Variants in PPP6R1 observed in about 807,000 individuals in gnomAD.
PPP6R1 encodes protein phosphatase 6 regulatory subunit 1, also known as serine/threonine-protein phosphatase 6 regulatory subunit 1.
Under a neutral mutation model 104.6 loss-of-function variants are expected in PPP6R1, and 39 were observed. The observed-to-expected ratio is 0.37, with a 90% CI of 0.29 to 0.49. The LOEUF is 0.49. Among genes scored for constraint, PPP6R1 ranks in the 20% least tolerant of loss-of-function variants. PPP6R1 has a pLI of 0.98. For missense variants in PPP6R1, 1,181 were observed against 1,155.8 expected (o/e 1.02, Z -0.32); for synonymous variants, 549 against 479.0 (o/e 1.15, Z -1.91).
At chr19:55,257,977 A>G (rs2122765642) in intron 1 of PPP6R1, among the ~76,000 whole-genome samples, 1 of 152,330 alleles carries the variant, frequency 6.6e-6, no homozygotes, top group South Asian at 2.1e-4. Context: ...CCGCTCCTCC[A>G]GTCCTGAGCT....
At chr19:55,228,824 A>C (rs2087311223), downstream of PPP6R1, 1 of 1,426,296 alleles carries the variant, frequency 7.0e-7, no homozygotes, top group South Asian at 1.2e-5. Context: ...GTTACACGTT[A>C]ACCCAAGGAG....
chr19:55,236,899 A>G lies in PPP6R1; in HGVS notation c.1809+14T>C, dbSNP rs1241206329. Reference sequence around the variant, plus strand: ...CCTCCACCCGCCACAACCAGGGGACAGGGCAGTACTCACGTTCTCATCGTC... The same window carrying G: ...CCTCCACCCGCCACAACCAGGGGACGGGGCAGTACTCACGTTCTCATCGTC... On this transcript the variant is annotated intron_variant, in intron 16 of 23. Transcript: ENST00000412770. 1 of 1,612,320 alleles carries G rather than the reference A, an allele frequency of 6.2e-7. No homozygotes were observed. Among genetic ancestry groups the G allele is most frequent in the Non-Finnish European group, 8.5e-7 (1 of 1,178,442 alleles).
At position 55,229,907 on chromosome 19, in the gene PPP6R1, T is replaced by TC. The variant is rs1369292987; in HGVS notation, c.*620dup. 1 of 153,354 alleles carries TC rather than the reference T, an allele frequency of 6.5e-6. No individual in the cohort carries two copies. 9.5% of individuals were successfully genotyped at this position (153,354 alleles called of 1,614,324 possible). A position where few individuals can be genotyped will look rare whatever the true frequency, so the allele number is the denominator to read the frequency against. ...GTCACTTGGCAACAGGGCTGGGACC[T>TC]CAGACCCTCAAGGCCCCTGGGGCTG... On this transcript the variant is annotated 3_prime_UTR_variant, in exon 24 of 24. Transcript: ENST00000412770.
intron 17 of PPP6R1, 166 bp downstream of exon 17, chr19:55,236,477 A>T: frequency 1.3e-6 from 1 of 757,136 alleles, no homozygotes; most frequent in Non-Finnish European, 2.0e-6. Context: ...GCCTTGAATT[A>T]GATTTCTATC....
Position 55,245,004 on chromosome 19 carries a change from C to T in PPP6R1, c.618+116G>A, listed in dbSNP as rs189248531. ...CCTCCCACCTCGCCCTCCCAAAGTG[C>T]TGGAATTACAGGCGTGAGCCACTGC... On this transcript the variant is annotated intron_variant, in intron 5 of 23. Transcript: ENST00000412770. This position sits in a 1 kb window ranked among gnomAD's most constrained non-coding sequence, Gnocchi z 6.4. The T allele has an allele frequency of 1.4e-6, 2 of 1,458,602 alleles. No individual in the cohort carries two copies. The highest frequency in any genetic ancestry group is 1.4e-5 in the African/African-American group (1 of 71,416). 90.4% of individuals were successfully genotyped at this position (1,458,602 alleles called of 1,614,324 possible).
At chr19:55,233,648 T>C (rs1168567660) in intron 17 of PPP6R1, among the ~76,000 whole-genome samples, 1 of 152,202 alleles carries the variant, frequency 6.6e-6, no homozygotes, top group Non-Finnish European at 1.5e-5. Context: ...CATATACTTG[T>C]AACAATCTGA....
chr19:55,245,594 G>C lies in PPP6R1; in HGVS notation c.312C>G (p.Asn104Lys), dbSNP rs1230365024. Residue 104 changes from asparagine (N) to lysine (K), a missense_variant, in exon 3 of 24, where the codon AAC becomes AAG. Asn to Lys is a moderately conservative substitution (Grantham distance 94). Coordinates refer to ENST00000412770, the MANE Select transcript of PPP6R1 (RefSeq NM_014931.4). This position sits in a 1 kb window ranked among gnomAD's most constrained non-coding sequence, Gnocchi z 6.4. The part of the protein sequence containing the change: ...DALGADESLL[N>K]RLYGFLQSTG... ...TGCTCTGCAGGAAGCCGTAGAGCCG[G>C]TTCAGAAGGGACTCATCAGCACCCA... 1 of 1,612,890 alleles carries C rather than the reference G, an allele frequency of 6.2e-7. No homozygotes were observed. Among genetic ancestry groups the C allele is most frequent in the Non-Finnish European group, 8.5e-7 (1 of 1,179,752 alleles).
At chr19:55,231,701 G>T (rs1401248516) in intron 19 of PPP6R1, 33 bp from the exon 20 acceptor site, 2 of 1,563,224 alleles carry the variant, frequency 1.3e-6, no homozygotes, top group Non-Finnish European at 1.7e-6. Context: ...CAAGGGGGCA[G>T]CTAGGGTTAG....
At chr19:55,249,899 G>A (rs1248333944) in intron 1 of PPP6R1, among the ~76,000 whole-genome samples, 1 of 151,896 alleles carries the variant, frequency 6.6e-6, no homozygotes, top group Non-Finnish European at 1.5e-5. Flanking sequence ...GCTCGGTGAT[G>A]TGCACTCCAC....
intron 5 of PPP6R1, 35 bp from the exon 6 acceptor site, chr19:55,242,523 G>A (rs774778566): frequency 3.0e-5 from 47 of 1,557,508 alleles, no homozygotes; most frequent in South Asian, 3.3e-5. Flanking sequence ...GATCCTGGTC[G>A]GGCCACCGGG....
chr19:55,242,713 A>G (rs2087469818), intron 5 of PPP6R1: 1 of 537,336 alleles, frequency 1.9e-6, no homozygotes, highest in African/African-American at 1.9e-5. Context: ...AGGCATCCAC[A>G]CAAGGCCCTC....
At chr19:55,239,313 C>A in intron 15 of PPP6R1, 92 bp downstream of exon 15, 2 of 1,279,378 alleles carry the variant, frequency 1.6e-6, no homozygotes, top group Admixed American at 2.0e-5. Context: ...GCCCACAGGG[C>A]ATGTAGGTGC....
rs751170845 is a variant in PPP6R1, at chr19:55,231,461, T to C, written c.2408A>G (p.Asp803Gly). 3 of 1,608,114 alleles carry C rather than the reference T, an allele frequency of 1.9e-6. No homozygotes were observed. The East Asian group carries it at 6.7e-5, about 36-fold the overall frequency. Residue 803 changes from aspartate to glycine, a missense_variant, in exon 21 of 24, where the codon GAC becomes GGC. Asp to Gly is a moderately conservative substitution (Grantham distance 94). This residue lies in a region of PPP6R1 where 1,042 missense variants were observed against 955.6 expected (regional missense o/e 1.09). Transcript: ENST00000412770. ...APCQALVSIG[D>G]LQATFHGIRS... ...GATCCCGTGGAAGGTGGCCTGAAGG[T>C]CCCCGATGCTAACCAAGGCCTGGCA... is the stretch of plus-strand genomic sequence containing the variant.
intron 15 of PPP6R1, among the ~76,000 whole-genome samples, chr19:55,237,324 T>C (rs908538193): frequency 2.6e-5 from 4 of 152,124 alleles, no homozygotes; most frequent in Non-Finnish European, 5.9e-5. Context: ...GTCCCCATCC[T>C]TGGGGCATCT....
intron 1 of PPP6R1, among the ~76,000 whole-genome samples, chr19:55,256,492 A>G (rs1345909368): frequency 6.6e-6 from 1 of 152,240 alleles, no homozygotes; most frequent in Non-Finnish European, 1.5e-5. Flanking sequence ...GAGCCACTGC[A>G]ATGGACATTC....
chr19:55,253,773 G>T (rs2087571723), intron 1 of PPP6R1, among the ~76,000 whole-genome samples: 1 of 152,188 alleles, frequency 6.6e-6, no homozygotes, highest in Admixed American at 6.5e-5. Context: ...AGCCCTCTCA[G>T]TCCCCTCTCC....
intron 17 of PPP6R1, among the ~76,000 whole-genome samples, chr19:55,234,473 A>G (rs1198540619): frequency 1.3e-5 from 2 of 152,208 alleles, no homozygotes; most frequent in African/African-American, 4.8e-5. Context: ...ATGTAAAGGG[A>G]TGAAGGTGGA....
At chr19:55,250,989 G>A (rs540251018) in intron 1 of PPP6R1, among the ~76,000 whole-genome samples, 1 of 152,226 alleles carries the variant, frequency 6.6e-6, no homozygotes. Context: ...CTGGCCTTCT[G>A]TTTTCAGAAC....
downstream of PPP6R1, chr19:55,228,410 G>A (rs1600100120): frequency 1.2e-6 from 2 of 1,613,186 alleles, no homozygotes; most frequent in Non-Finnish European, 1.7e-6. Flanking sequence ...AGGATGAAGG[G>A]GCTCAGCCAC....
Sources: gnomAD v4.1 joint callset for allele counts (sites outside exome capture counted in the v4.1 genomes callset) on GRCh38, gnomAD v4.1.1 for gene constraint, gnomAD v4.1.1 regional missense constraint, Gnocchi (gnomAD v3.1) non-coding constraint, MANE v1.5 for transcripts, NCBI Gene and HGNC (gene_info 2026-07-23, HGNC 2026-07-21) for gene names.